RIMS2: variants seen among roughly 807,000 people sequenced by gnomAD.
RIMS2 encodes regulating synaptic membrane exocytosis 2.
Under a neutral mutation model 174.4 loss-of-function variants are expected in RIMS2, and 59 were observed. That is an observed-to-expected ratio of 0.34 (90% CI 0.27 to 0.42). RIMS2 has a LOEUF of 0.42. Among genes scored for constraint, RIMS2 ranks in the 10% least tolerant of loss-of-function variants. The pLI, the probability that RIMS2 is intolerant of heterozygous loss-of-function variation, is 1.00. For missense variants in RIMS2, 1,620 were observed against 1,666.3 expected, an observed-to-expected ratio of 0.97 and a Z score of 0.48; for synonymous variants, 606 against 572.5, an observed-to-expected ratio of 1.06 and a Z score of -0.84.
intron 13 of RIMS2, among the ~76,000 whole-genome samples, chr8:103,941,485 T>C (rs2082526577): frequency 6.6e-6 from 1 of 152,088 alleles, no homozygotes; most frequent in South Asian, 2.1e-4. Context: ...AGACCCTGTC[T>C]CAAAAACAAA....
intron 3 of RIMS2, among the ~76,000 whole-genome samples, chr8:103,767,265 G>A (rs1351216076): frequency 6.6e-6 from 1 of 150,616 alleles, no homozygotes; most frequent in Non-Finnish European, 1.5e-5. Flanking sequence ...TCGGCTCACT[G>A]CAATCCCTGC....
rs188016947 is a variant in RIMS2, at chr8:103,764,754, C to A, written c.388-1473C>A. On this transcript the variant is annotated intron_variant, in intron 2 of 23. Transcript: ENST00000504942. ...CTTAATAATATCAAATATATTATTA[C>A]CATATTTCCCCCAGAAGAATTTTAA... is the stretch of plus-strand genomic sequence containing the variant. Among the ~76,000 whole-genome samples, 432 of 152,052 alleles carry A rather than the reference C, an allele frequency of 2.8e-3. 2 individuals are homozygous for A. The highest frequency in any genetic ancestry group is 4.3e-3 in the Non-Finnish European group (292 of 67,956).
chr8:103,783,876 A>T (rs957611635), intron 3 of RIMS2, among the ~76,000 whole-genome samples: 10 of 151,916 alleles, frequency 6.6e-5, no homozygotes, highest in African/African-American at 1.5e-4. Flanking sequence ...TAGTTTACAG[A>T]CCCACCAACA....
chr8:103,668,043 A>G (rs1192524446), intron 1 of RIMS2, among the ~76,000 whole-genome samples: 1 of 152,158 alleles, frequency 6.6e-6, no homozygotes, highest in Non-Finnish European at 1.5e-5. Flanking sequence ...GTGAAAATAC[A>G]CTTTGGCATA....
intron 19 of RIMS2, among the ~76,000 whole-genome samples, chr8:104,194,089 A>G (rs2099011616): frequency 6.6e-6 from 1 of 152,138 alleles, no homozygotes; most frequent in African/African-American, 2.4e-5. Context: ...GTTATTTTTC[A>G]GCCTGCTTAG....
intron 3 of RIMS2, among the ~76,000 whole-genome samples, chr8:103,789,908 A>G (rs2098481550): frequency 6.6e-6 from 1 of 151,882 alleles, no homozygotes; most frequent in Non-Finnish European, 1.5e-5. Context: ...GTGTGCTACC[A>G]TGTCCAGATA....
intron 3 of RIMS2, among the ~76,000 whole-genome samples, chr8:103,795,396 A>G (rs1408828321): frequency 1.3e-5 from 2 of 150,496 alleles, no homozygotes; most frequent in African/African-American, 4.9e-5. Flanking sequence ...GAACACCTGG[A>G]CACAGAGTAG....
intron 1 of RIMS2, among the ~76,000 whole-genome samples, chr8:103,627,642 C>A (rs2095818688): frequency 6.6e-6 from 1 of 152,230 alleles, no homozygotes; most frequent in South Asian, 2.1e-4. Context: ...TCTGCCTCGG[C>A]TCCAGCCGGT....
At chr8:104,032,204 T>C (rs1195434408) in intron 19 of RIMS2, among the ~76,000 whole-genome samples, 1 of 152,096 alleles carries the variant, frequency 6.6e-6, no homozygotes, top group Non-Finnish European at 1.5e-5. Flanking sequence ...TTGAGATATT[T>C]ATACCATATA....
chr8:103,885,289 G>A lies in RIMS2; in HGVS notation c.699-9G>A, dbSNP rs373254707. On this transcript the variant is annotated splice_polypyrimidine_tract_variant and intron_variant, in intron 3 of 23. Coordinates refer to ENST00000504942, the Ensembl canonical transcript of RIMS2. ...CTCTTCTCATTGTTCTTTTCCTTTG[G>A]TTACTTAGGAAAAGAAGCCCATCTG... The A allele has an allele frequency of 3.9e-6, 6 of 1,550,752 alleles. No homozygotes were observed. Among genetic ancestry groups the A allele is most frequent in the Non-Finnish European group, 5.2e-6 (6 of 1,147,542 alleles).
chr8:103,673,246 C>T (rs1356518863), intron 1 of RIMS2, among the ~76,000 whole-genome samples: 1 of 152,134 alleles, frequency 6.6e-6, no homozygotes, highest in Non-Finnish European at 1.5e-5. Context: ...ATTCAAGCTC[C>T]CACTGGATCT....
intron 12 of RIMS2, among the ~76,000 whole-genome samples, chr8:103,933,785 A>G (rs1349108005): frequency 6.6e-6 from 1 of 152,192 alleles, no homozygotes; most frequent in African/African-American, 2.4e-5. Flanking sequence ...ACAATTTTTT[A>G]TTTGTGGTTG....
intron 19 of RIMS2, among the ~76,000 whole-genome samples, chr8:104,238,716 A>G (rs1473884240): frequency 3.3e-5 from 5 of 152,302 alleles, no homozygotes; most frequent in African/African-American, 1.2e-4. Context: ...TAAACTACAT[A>G]GATATACTGG....
intron 3 of RIMS2, among the ~76,000 whole-genome samples, chr8:103,837,009 A>G (rs1314703614): frequency 6.6e-6 from 1 of 152,228 alleles, no homozygotes; most frequent in East Asian, 1.9e-4. Context: ...CGTATTTTTT[A>G]TGACGGTTAA....
intron 19 of RIMS2, among the ~76,000 whole-genome samples, chr8:104,243,077 T>G (rs1406177322): frequency 6.6e-6 from 1 of 152,224 alleles, no homozygotes; most frequent in African/African-American, 2.4e-5. Flanking sequence ...TTACATTTAC[T>G]AATATTCTGC....
intron 19 of RIMS2, among the ~76,000 whole-genome samples, chr8:104,091,547 A>T (rs2097657981): frequency 6.6e-6 from 1 of 150,884 alleles, no homozygotes; most frequent in African/African-American, 2.4e-5. Flanking sequence ...TATATACCTT[A>T]CCTTGAGATC....
intron 15 of RIMS2, among the ~76,000 whole-genome samples, chr8:103,972,924 A>C (rs539968981): frequency 6.6e-6 from 1 of 152,214 alleles, no homozygotes; most frequent in Non-Finnish European, 1.5e-5. Context: ...AAACATGTTT[A>C]AAATTTAGAT....
At chr8:103,662,914 T>G (rs2096621580) in intron 1 of RIMS2, among the ~76,000 whole-genome samples, 1 of 152,188 alleles carries the variant, frequency 6.6e-6, no homozygotes, top group Non-Finnish European at 1.5e-5. Context: ...CTCACGCCTG[T>G]AATCCTAGCA....
intron 3 of RIMS2, among the ~76,000 whole-genome samples, chr8:103,870,402 A>G (rs2154513144): frequency 6.6e-6 from 1 of 151,888 alleles, no homozygotes; most frequent in African/African-American, 2.4e-5. Context: ...CACCACCACT[A>G]CACCACTGCA....
Sources: gnomAD v4.1 joint callset for allele counts (sites outside exome capture counted in the v4.1 genomes callset) on GRCh38, gnomAD v4.1.1 for gene constraint, MANE v1.5 for transcripts, NCBI Gene and HGNC (gene_info 2026-07-23, HGNC 2026-07-21) for gene names.